Variants in DYM observed in about 807,000 individuals in gnomAD.
The protein encoded by DYM is dyggve-Melchior-Clausen syndrome protein.
DYM carries 78 observed loss-of-function variants against 93.1 expected under a neutral mutation model. The ratio of observed to expected loss-of-function variants is 0.84; its 90% CI spans 0.70 to 1.01. The LOEUF is 1.01. Ranked by LOEUF, DYM falls within the 50% of genes least tolerant of loss-of-function variation. The pLI, the probability that DYM is intolerant of heterozygous loss-of-function variation, is 0.00. For missense variants in DYM, 789 were observed against 845.0 expected, an observed-to-expected ratio of 0.93 and a Z score of 0.82; for synonymous variants, 321 against 319.7, an observed-to-expected ratio of 1.00 and a Z score of -0.04.
chr18:49,446,075 C>A (rs1484205060), intron 1 of DYM, among the ~76,000 whole-genome samples: 1 of 152,088 alleles, frequency 6.6e-6, no homozygotes, highest in African/African-American at 2.4e-5. Context: ...CACAAAATAG[C>A]AATTTAGGCA....
chr18:49,268,315 A>T (rs1032276072), intron 11 of DYM, among the ~76,000 whole-genome samples: 32 of 152,216 alleles, frequency 2.1e-4, no homozygotes, highest in Admixed American at 1.9e-3. Flanking sequence ...GATCAACAAG[A>T]AAGTCAGATT....
At chr18:49,305,445 T>A (rs2061218600) in intron 8 of DYM, among the ~76,000 whole-genome samples, 1 of 152,190 alleles carries the variant, frequency 6.6e-6, no homozygotes, top group Non-Finnish European at 1.5e-5. Flanking sequence ...CAATCCCTAA[T>A]CTTCATGCTT....
At chr18:49,047,693 A>AGCCC (rs2071791518) in intron 17 of DYM, among the ~76,000 whole-genome samples, 2 of 152,028 alleles carry the variant, frequency 1.3e-5, no homozygotes, top group Non-Finnish European at 2.9e-5. Flanking sequence ...GAGCCTCCTC[A>AGCCC]TACACTGTGT....
intron 15 of DYM, among the ~76,000 whole-genome samples, chr18:49,163,113 T>A (rs2087389537): frequency 6.6e-6 from 1 of 152,168 alleles, no homozygotes; most frequent in African/African-American, 2.4e-5. Flanking sequence ...TTAGCTTGAG[T>A]GGGTTTCTCA....
intron 8 of DYM, 45 bp from the exon 9 acceptor site, chr18:49,286,661 A>G: frequency 6.4e-7 from 1 of 1,569,934 alleles, no homozygotes; most frequent in Non-Finnish European, 8.7e-7. Context: ...CACCAATGAG[A>G]TGAATGTATT....
intron 15 of DYM, among the ~76,000 whole-genome samples, chr18:49,154,691 A>C (rs1203558073): frequency 6.6e-6 from 1 of 152,074 alleles, no homozygotes; most frequent in Non-Finnish European, 1.5e-5. Context: ...CAATGCGCCC[A>C]GCTGGAAATT....
rs1354913636 is a variant in DYM at position 49,081,558 on chromosome 18, AGAG to A, written c.2025+15841_2025+15843del. On this transcript the variant is annotated intron_variant, in intron 17 of 17. Transcript: ENST00000675505. ...GGGGAGAGGGGAGAGGGGAGAGGGGAGAGGGGAGAGGGGAGCTGTAGAGATTCT... is the reference window on the plus strand; with the variant it reads ...GGGGAGAGGGGAGAGGGGAGAGGGGAGGGAGAGGGGAGCTGTAGAGATTCT... Among the ~76,000 whole-genome samples, 128 of 77,062 alleles carry A rather than the reference AGAG, an allele frequency of 1.7e-3. 4 individuals carry two copies. Among genetic ancestry groups the A allele is most frequent in the African/African-American group, 5.0e-3 (122 of 24,548 alleles). 50.6% of individuals were successfully genotyped at this position (77,062 alleles called of 152,430 possible).
intron 1 of DYM, among the ~76,000 whole-genome samples, chr18:49,454,555 C>T (rs1267299678): frequency 2.6e-5 from 4 of 152,084 alleles, no homozygotes; most frequent in East Asian, 1.9e-4. Flanking sequence ...CATGCATGAT[C>T]GAACCAATCT....
At chr18:49,220,682 T>G (rs2093314629) in intron 13 of DYM, among the ~76,000 whole-genome samples, 2 of 152,164 alleles carry the variant, frequency 1.3e-5, no homozygotes, top group African/African-American at 4.8e-5. Context: ...TAAATGGTGC[T>G]GGGAAAACTG....
At chr18:49,198,929 G>A (rs1474602086) in intron 14 of DYM, among the ~76,000 whole-genome samples, 28 of 151,922 alleles carry the variant, frequency 1.8e-4, no homozygotes, top group African/African-American at 4.8e-4. Context: ...ACATGCACAC[G>A]TATGTTTATT....
intron 17 of DYM, among the ~76,000 whole-genome samples, chr18:49,094,491 G>GA (rs1470198701): frequency 1.3e-5 from 2 of 152,110 alleles, no homozygotes; most frequent in East Asian, 1.9e-4. Flanking sequence ...GGAGGCTCCG[G>GA]AAAAAATAAT....
intron 15 of DYM, among the ~76,000 whole-genome samples, chr18:49,135,009 G>A (rs1248505863): frequency 6.6e-6 from 1 of 152,136 alleles, no homozygotes; most frequent in Non-Finnish European, 1.5e-5. Flanking sequence ...TCGGGAGGCT[G>A]AGGCAGGAGA....
chr18:49,347,137 G>A (rs549457969), intron 6 of DYM, among the ~76,000 whole-genome samples: 90 of 152,164 alleles, frequency 5.9e-4, no homozygotes, highest in African/African-American at 2.0e-3. Flanking sequence ...TCACATAATC[G>A]TAAATTCAAA....
chr18:49,257,908 TC>T (rs2094420644), intron 12 of DYM, among the ~76,000 whole-genome samples: 1 of 152,222 alleles, frequency 6.6e-6, no homozygotes, highest in East Asian at 1.9e-4. Context: ...GTACACTGCT[TC>T]TCTTTAATAA....
At chr18:49,441,047 T>TA (rs1466411169) in intron 1 of DYM, among the ~76,000 whole-genome samples, 1 of 7,304 alleles carries the variant, frequency 1.4e-4, no homozygotes, top group Non-Finnish European at 2.9e-4. Flanking sequence ...TATAAATATA[T>TA]AATATATTTA....
intron 17 of DYM, among the ~76,000 whole-genome samples, chr18:49,049,046 T>A (rs973135315): frequency 6.6e-6 from 1 of 152,232 alleles, no homozygotes; most frequent in Non-Finnish European, 1.5e-5. Flanking sequence ...AAAAATGGTA[T>A]AAAATAGTAT....
chr18:49,333,562 A>G (rs552053993), intron 7 of DYM, among the ~76,000 whole-genome samples, 166 bp downstream of exon 7: 1 of 152,366 alleles, frequency 6.6e-6, no homozygotes, highest in East Asian at 1.9e-4. Context: ...TAGATGGCAC[A>G]GGAAAGTAGA....
chr18:49,289,727 GTATATATATA>G (rs386387632), intron 8 of DYM, among the ~76,000 whole-genome samples: 2,229 of 84,994 alleles, frequency 0.026, 69 homozygotes, highest in East Asian at 0.042. Context: ...ATATATATGT[GTATATATATA>G]TATATATATA....
intron 16 of DYM, among the ~76,000 whole-genome samples, chr18:49,109,022 C>G (rs777076238): frequency 2.0e-5 from 3 of 147,328 alleles, no homozygotes; most frequent in Non-Finnish European, 3.0e-5. Flanking sequence ...ATATAGTCAT[C>G]CTACCCCTTT....
Sources: allele counts gnomAD v4.1 joint callset (sites outside exome capture counted in the v4.1 genomes callset), GRCh38; gene constraint gnomAD v4.1.1; transcripts MANE v1.5; gene names NCBI Gene and HGNC (gene_info 2026-07-23, HGNC 2026-07-21).